EYS: variants seen among roughly 807,000 people sequenced by gnomAD.
The protein encoded by EYS is protein eyes shut homolog.
Under a neutral mutation model 282.1 loss-of-function variants are expected in EYS, and 250 were observed. The observed-to-expected ratio is 0.89, with a 90% CI of 0.80 to 0.98. The LOEUF (loss-of-function observed/expected upper bound fraction) is 0.98. Ranked by LOEUF, EYS falls within the 50% of genes least tolerant of loss-of-function variation. The pLI, the probability that EYS is intolerant of heterozygous loss-of-function variation, is 0.00. For synonymous variants in EYS, 1,355 were observed against 1,282.9 expected, an observed-to-expected ratio of 1.06 and a Z score of -1.20; for missense variants, 4,016 against 3,709.0, an observed-to-expected ratio of 1.08 and a Z score of -2.15.
intron 40 of EYS, among the ~76,000 whole-genome samples, chr6:63,774,715 C>G (rs1770021162): frequency 6.6e-6 from 1 of 151,584 alleles, no homozygotes; most frequent in Non-Finnish European, 1.5e-5. Context: ...TAAATATATC[C>G]AATTTTTATT....
intron 35 of EYS, among the ~76,000 whole-genome samples, chr6:63,887,118 C>A (rs1216839790): frequency 6.6e-6 from 1 of 152,062 alleles, no homozygotes; most frequent in Admixed American, 6.6e-5. Flanking sequence ...ACTAGTGGGA[C>A]AGCATCTGCA....
intron 33 of EYS, among the ~76,000 whole-genome samples, chr6:64,061,613 C>G (rs985099325): frequency 6.6e-6 from 1 of 152,110 alleles, no homozygotes. Context: ...TGGCTAATAA[C>G]AGAATAAAAA....
intron 12 of EYS, among the ~76,000 whole-genome samples, chr6:65,163,044 G>A (rs1002513654): frequency 6.6e-6 from 1 of 150,994 alleles, no homozygotes; most frequent in Non-Finnish European, 1.5e-5. Flanking sequence ...CCAAAATTTA[G>A]GGGTCAGGAG....
chr6:64,350,686 A>C (rs1771594982), intron 29 of EYS, among the ~76,000 whole-genome samples: 1 of 151,638 alleles, frequency 6.6e-6, no homozygotes, highest in African/African-American at 2.4e-5. Flanking sequence ...TTATTCTGGG[A>C]AGATACTTAC....
At chr6:64,668,729 T>A (rs1180029334) in intron 22 of EYS, among the ~76,000 whole-genome samples, 1 of 151,286 alleles carries the variant, frequency 6.6e-6, no homozygotes, top group African/African-American at 2.4e-5. Context: ...CACGCCCAGC[T>A]AATTTTTTGT....
chr6:64,494,112 T>C (rs1776819015), intron 26 of EYS, among the ~76,000 whole-genome samples: 1 of 151,578 alleles, frequency 6.6e-6, no homozygotes, highest in African/African-American at 2.4e-5. Context: ...TTTCCTGCAT[T>C]ATATGTGTAA....
intron 12 of EYS, among the ~76,000 whole-genome samples, chr6:65,223,275 G>A (rs1297120810): frequency 6.6e-6 from 1 of 152,090 alleles, no homozygotes; most frequent in East Asian, 1.9e-4. Flanking sequence ...GCTTAAGCAG[G>A]AGAATCACTT....
chr6:63,766,809 C>A (rs922178567), intron 40 of EYS, among the ~76,000 whole-genome samples: 1 of 151,718 alleles, frequency 6.6e-6, no homozygotes, highest in African/African-American at 2.4e-5. Context: ...AATGTTGGGA[C>A]CATGAAAGAG....
intron 29 of EYS, among the ~76,000 whole-genome samples, chr6:64,356,662 G>A (rs921626303): frequency 6.6e-6 from 1 of 151,636 alleles, no homozygotes; most frequent in Admixed American, 6.6e-5. Flanking sequence ...CAGAGAGGAG[G>A]CGTCTCAGCA....
At chr6:65,107,341 G>C (rs892520459) in intron 12 of EYS, among the ~76,000 whole-genome samples, 1 of 149,684 alleles carries the variant, frequency 6.7e-6, no homozygotes, top group African/African-American at 2.5e-5. Flanking sequence ...AAACTCTCCA[G>C]CTTTCCTCGA....
intron 2 of EYS, among the ~76,000 whole-genome samples, chr6:65,605,240 A>T (rs563985200): frequency 6.6e-6 from 1 of 151,970 alleles, no homozygotes; most frequent in Non-Finnish European, 1.5e-5. Flanking sequence ...ACCAATTAAA[A>T]ATTGCATTGA....
At chr6:64,901,055 G>GC (rs138004956) in intron 18 of EYS, among the ~76,000 whole-genome samples, 109,831 of 151,482 alleles carry the variant, frequency 0.73, 41,041 homozygotes, top group African/African-American at 0.92. Context: ...GAAATACTAT[G>GC]AGCTATAAAA....
At chr6:64,802,018 T>TTTTTG (rs1764248883) in intron 22 of EYS, among the ~76,000 whole-genome samples, 2 of 129,964 alleles carry the variant, frequency 1.5e-5, no homozygotes, top group South Asian at 2.7e-4. Flanking sequence ...AACAAATTTC[T>TTTTTG]TTTTCTTTTT....
chr6:65,498,162 T>A (rs1766320608), intron 2 of EYS, among the ~76,000 whole-genome samples: 1 of 151,936 alleles, frequency 6.6e-6, no homozygotes, highest in Admixed American at 6.6e-5. Flanking sequence ...AGGGGAGAAG[T>A]CTGATTCACT....
At chr6:65,530,162 A>T (rs959025581) in intron 2 of EYS, among the ~76,000 whole-genome samples, 4 of 152,180 alleles carry the variant, frequency 2.6e-5, no homozygotes, top group African/African-American at 9.6e-5. Context: ...TGAGATAATC[A>T]ACAGTGAGCT....
intron 22 of EYS, among the ~76,000 whole-genome samples, chr6:64,741,982 T>A (rs1772389261): frequency 6.6e-6 from 1 of 151,636 alleles, no homozygotes; most frequent in African/African-American, 2.4e-5. Context: ...CTTCAAATAT[T>A]TTTTTTTATT....
chr6:65,399,353 A>C (rs1359527252), intron 7 of EYS, among the ~76,000 whole-genome samples: 1 of 152,010 alleles, frequency 6.6e-6, no homozygotes, highest in Non-Finnish European at 1.5e-5. Flanking sequence ...GCCCAAGTCA[A>C]GACCTTCCAT....
intron 33 of EYS, among the ~76,000 whole-genome samples, chr6:64,014,846 C>A (rs1277676879): frequency 6.6e-6 from 1 of 151,432 alleles, no homozygotes; most frequent in Non-Finnish European, 1.5e-5. Context: ...CCTTTCTATA[C>A]CCTTTGTCAA....
chr6:65,260,665 C>T (rs866127252), intron 12 of EYS, among the ~76,000 whole-genome samples: 1 of 151,850 alleles, frequency 6.6e-6, no homozygotes, highest in East Asian at 1.9e-4. Flanking sequence ...GTGAAATACA[C>T]GTTTAAGATT....
Sources: gnomAD v4.1 joint callset for allele counts (sites outside exome capture counted in the v4.1 genomes callset) on GRCh38, gnomAD v4.1.1 for gene constraint, MANE v1.5 for transcripts, NCBI Gene and HGNC (gene_info 2026-07-23, HGNC 2026-07-21) for gene names.